SEMA5A: variants seen among roughly 807,000 people sequenced by gnomAD.
SEMA5A encodes the protein semaphorin 5A.
In SEMA5A, 55 loss-of-function variants were observed where a neutral mutation model predicts 135.5. The ratio of observed to expected loss-of-function variants is 0.41; its 90% CI spans 0.33 to 0.51. SEMA5A has a LOEUF of 0.51. Among genes scored for constraint, SEMA5A ranks in the 20% least tolerant of loss-of-function variants. SEMA5A has a pLI of 0.37. For synonymous variants in SEMA5A, 580 were observed against 546.5 expected (o/e 1.06, Z -0.85); for missense variants, 1,290 against 1,419.9 (o/e 0.91, Z 1.47).
At chr5:9,072,361 G>A (rs1298011916) in intron 16 of SEMA5A, among the ~76,000 whole-genome samples, 2 of 152,074 alleles carry the variant, frequency 1.3e-5, no homozygotes, top group East Asian at 3.9e-4. Flanking sequence ...TGAAATTATT[G>A]GAAAGGAGAA....
At chr5:9,469,062 G>C (rs1374302715) in intron 1 of SEMA5A, among the ~76,000 whole-genome samples, 1 of 152,160 alleles carries the variant, frequency 6.6e-6, no homozygotes, top group African/African-American at 2.4e-5. Flanking sequence ...AGACTGGAGA[G>C]CAGTGGCACA....
chr5:9,234,939 T>C (rs536933521), intron 6 of SEMA5A, among the ~76,000 whole-genome samples: 1 of 152,344 alleles, frequency 6.6e-6, no homozygotes, highest in South Asian at 2.1e-4. Flanking sequence ...CTTTTCCTAA[T>C]ACTTCTCTGG....
chr5:9,369,557 A>C (rs1755050328), intron 3 of SEMA5A, among the ~76,000 whole-genome samples: 1 of 152,272 alleles, frequency 6.6e-6, no homozygotes, highest in Non-Finnish European at 1.5e-5. Context: ...CTTTTTGCAG[A>C]GAGATATACC....
rs935132563 is a variant in SEMA5A at position 9,527,164 on chromosome 5, A to G, written c.-175+18420T>C. 2.0e-5 allele frequency among the ~76,000 whole-genome samples: 3 copies of G among 152,096 alleles called. No individual in the cohort carries two copies. The East Asian group carries it at 5.8e-4, about 29-fold the overall frequency. On this transcript the variant is annotated intron_variant, in intron 1 of 22. Coordinates refer to ENST00000382496, the MANE Select transcript of SEMA5A (RefSeq NM_003966.3). ...AGAGTGGGAGGAGTGAGCACTTACC[A>G]GGTCCCGAGTGTGCTGAGGCCTTGG...
chr5:9,231,586 C>T (rs575515839), intron 6 of SEMA5A, among the ~76,000 whole-genome samples: 140 of 152,050 alleles, frequency 9.2e-4, no homozygotes, highest in African/African-American at 3.2e-3. Context: ...CCACTGGCAA[C>T]GCACTTTGCC....
intron 16 of SEMA5A, among the ~76,000 whole-genome samples, chr5:9,078,580 G>T (rs1332987855): frequency 7.4e-6 from 1 of 135,778 alleles, no homozygotes; most frequent in African/African-American, 3.5e-5. Context: ...ATTTCAGCTG[G>T]GTATGTACAC....
chr5:9,075,425 A>T (rs1737995397), intron 16 of SEMA5A, among the ~76,000 whole-genome samples: 1 of 152,234 alleles, frequency 6.6e-6, no homozygotes, highest in Non-Finnish European at 1.5e-5. Flanking sequence ...GAGACAACTC[A>T]TATGGCCATC....
At chr5:9,339,341 A>G (rs538525974) in intron 3 of SEMA5A, among the ~76,000 whole-genome samples, 14 of 152,298 alleles carry the variant, frequency 9.2e-5, no homozygotes, top group Middle Eastern at 3.4e-3. Context: ...GTGACAGGAA[A>G]GATGTCCTAG....
In SEMA5A at chr5:9,295,032, C is replaced by A. The variant is rs1747889509; in HGVS notation, c.270+23340G>T. Among the ~76,000 whole-genome samples the A allele has an allele frequency of 2.6e-5, 4 of 152,152 alleles. No homozygotes were observed. In the South Asian group the frequency reaches 8.3e-4, roughly 32 times the overall value. ...TACACATCCAGACCCTCAAAACCCA[C>A]TCTCCCTGCTACTCTCCAGTGCTTC... On this transcript the variant is annotated intron_variant, in intron 5 of 22. Transcript: ENST00000382496.
At chr5:9,183,402 C>T (rs992685319) in intron 11 of SEMA5A, among the ~76,000 whole-genome samples, 1 of 152,182 alleles carries the variant, frequency 6.6e-6, no homozygotes, top group Non-Finnish European at 1.5e-5. Context: ...CTTCCAGCAC[C>T]TGCTTGAGAA....
At chr5:9,290,118 C>T (rs543806926) in intron 5 of SEMA5A, among the ~76,000 whole-genome samples, 3 of 152,092 alleles carry the variant, frequency 2.0e-5, no homozygotes, top group South Asian at 2.1e-4. Flanking sequence ...TAAGTTTTTT[C>T]GTGGTGATTT....
chr5:9,371,512 T>G (rs1037410622), intron 3 of SEMA5A, among the ~76,000 whole-genome samples: 2 of 152,220 alleles, frequency 1.3e-5, no homozygotes, highest in Non-Finnish European at 1.5e-5. Context: ...TGAAAAGTGG[T>G]TTTTTAAAAA....
intron 8 of SEMA5A, among the ~76,000 whole-genome samples, chr5:9,207,102 G>GTATATATATATA (rs70943947): frequency 0.083 from 7,976 of 96,236 alleles, 718 homozygotes; most frequent in East Asian, 0.1. Context: ...ATGATCAAGT[G>GTATATATATATA]TATATATATA....
chr5:9,420,625 T>A (rs1336871720), intron 2 of SEMA5A, among the ~76,000 whole-genome samples: 2 of 152,190 alleles, frequency 1.3e-5, no homozygotes, highest in Non-Finnish European at 2.9e-5. Context: ...CCTATATCCC[T>A]TGTAAGAGTA....
At chr5:9,305,958 C>T (rs1157467156) in intron 5 of SEMA5A, among the ~76,000 whole-genome samples, 1 of 152,128 alleles carries the variant, frequency 6.6e-6, no homozygotes, top group Non-Finnish European at 1.5e-5. Flanking sequence ...GATCTGGGTT[C>T]TAACTGCTTC....
intron 3 of SEMA5A, among the ~76,000 whole-genome samples, chr5:9,338,017 C>A (rs1423347904): frequency 6.6e-6 from 1 of 152,064 alleles, no homozygotes; most frequent in East Asian, 1.9e-4. Context: ...AGAGGGCAGC[C>A]ACCCAATAAA....
intron 5 of SEMA5A, among the ~76,000 whole-genome samples, chr5:9,250,695 C>T (rs1332429097): frequency 6.6e-6 from 1 of 152,028 alleles, no homozygotes; most frequent in Non-Finnish European, 1.5e-5. Context: ...ACTTCTTTTT[C>T]AAAGTAATAC....
At chr5:9,316,956 T>C (rs1466716880) in intron 5 of SEMA5A, among the ~76,000 whole-genome samples, 4 of 152,170 alleles carry the variant, frequency 2.6e-5, no homozygotes, top group African/African-American at 9.7e-5. Context: ...CCCTAACACC[T>C]TCCCTGACCT....
At chr5:9,244,718 C>T (rs756924540) in intron 5 of SEMA5A, among the ~76,000 whole-genome samples, 1 of 152,186 alleles carries the variant, frequency 6.6e-6, no homozygotes, top group Non-Finnish European at 1.5e-5. Context: ...GAATGCCCTG[C>T]ACCCATGCCC....
Sources: gnomAD v4.1 joint callset for allele counts (sites outside exome capture counted in the v4.1 genomes callset) on GRCh38, gnomAD v4.1.1 for gene constraint, MANE v1.5 for transcripts, NCBI Gene and HGNC (gene_info 2026-07-23, HGNC 2026-07-21) for gene names.